The following CEPT1 variants were observed in gnomAD, a reference collection of about 807,000 sequenced individuals.
CEPT1 encodes choline/ethanolaminephosphotransferase 1.
A neutral mutation model predicts 42.6 loss-of-function variants in CEPT1; 7 were observed. The observed-to-expected ratio is 0.16, with a 90% confidence interval of 0.09 to 0.31. The LOEUF (loss-of-function observed/expected upper bound fraction) is 0.31. Among genes scored for constraint, CEPT1 ranks in the 10% least tolerant of loss-of-function variants. CEPT1 has a pLI of 1.00. For synonymous variants in CEPT1, 171 were observed against 171.9 expected, an observed-to-expected ratio of 0.99 and a Z score of 0.04; for missense variants, 306 against 502.1, an observed-to-expected ratio of 0.61 and a Z score of 3.73.
intron 5 of CEPT1, 112 bp from the exon 6 acceptor site, chr1:111,182,075 T>C: frequency 1.4e-6 from 1 of 705,048 alleles, no homozygotes; most frequent in South Asian, 2.4e-5. Flanking sequence ...CTTTACGTAT[T>C]TATGTAATTG....
intron 2 of CEPT1, among the ~76,000 whole-genome samples, chr1:111,149,150 G>A (rs554244783): frequency 2.0e-5 from 3 of 151,928 alleles, no homozygotes; most frequent in Non-Finnish European, 4.4e-5. Context: ...CTTTACCCCA[G>A]AACATGTGAT....
intron 1 of CEPT1, among the ~76,000 whole-genome samples, chr1:111,146,858 A>G (rs1654995652): frequency 6.6e-6 from 1 of 150,822 alleles, no homozygotes; most frequent in Non-Finnish European, 1.5e-5. Flanking sequence ...TACTGTCTTA[A>G]AGTTAATTTT....
chr1:111,164,443 A>G (rs184472357), intron 4 of CEPT1, among the ~76,000 whole-genome samples: 1 of 152,302 alleles, frequency 6.6e-6, no homozygotes, highest in African/African-American at 2.4e-5. Flanking sequence ...CTAGAATTTC[A>G]TGGGAGGATT....
chr1:111,141,337 T>C lies in CEPT1; in HGVS notation c.-74+1030T>C, dbSNP rs1011843807. Reference sequence around the variant, plus strand: ...GTTCTAAAAGCATTTAGTTTCCTCTTCGTTTTATGCTGAGAAAAACTAGTT... The same window carrying C: ...GTTCTAAAAGCATTTAGTTTCCTCTCCGTTTTATGCTGAGAAAAACTAGTT... On this transcript the variant is annotated intron_variant, in intron 1 of 8. Transcript: ENST00000357172. Among the ~76,000 whole-genome samples the C allele has an allele frequency of 2.0e-5, 3 of 152,264 alleles. No individual in the cohort carries two copies. The East Asian group carries it at 5.8e-4, about 29-fold the overall frequency.
intron 1 of CEPT1, among the ~76,000 whole-genome samples, chr1:111,141,071 T>C (rs1163465402): frequency 6.6e-6 from 1 of 152,234 alleles, no homozygotes; most frequent in Admixed American, 6.5e-5. Context: ...TGAAGTCTTT[T>C]AATCAGTAAA....
At chr1:111,167,160 A>T (rs1189567080) in intron 4 of CEPT1, 1 of 985,122 alleles carries the variant, frequency 1.0e-6, no homozygotes, top group Non-Finnish European at 1.2e-6. Context: ...TTCTCACAGG[A>T]ACCCTGGGGC....
intron 1 of CEPT1, among the ~76,000 whole-genome samples, chr1:111,145,606 A>G (rs1654916485): frequency 6.6e-6 from 1 of 152,146 alleles, no homozygotes; most frequent in African/African-American, 2.4e-5. Context: ...CTACTTGTCC[A>G]TGTGGTTACT....
chr1:111,178,172 G>A (rs930712517), intron 5 of CEPT1: 2 of 152,104 alleles, frequency 1.3e-5, no homozygotes, highest in African/African-American at 4.8e-5. Flanking sequence ...TTAGGGTTCA[G>A]GTATGAAATT....
intron 3 of CEPT1, 29 bp from the exon 4 acceptor site, chr1:111,161,126 T>C (rs1455179563): frequency 1.2e-6 from 2 of 1,613,402 alleles, no homozygotes; most frequent in Non-Finnish European, 1.7e-6. Flanking sequence ...TCATATTATT[T>C]GGTTTTCATC....
chr1:111,139,902 GC>G (rs1654208991), upstream of CEPT1: 1 of 152,274 alleles, frequency 6.6e-6, no homozygotes, highest in African/African-American at 2.4e-5. Context: ...AGTCTCGCGC[GC>G]CTGCGACGCG....
At chr1:111,148,736 C>G (rs555517787) in intron 2 of CEPT1, among the ~76,000 whole-genome samples, 1 of 152,322 alleles carries the variant, frequency 6.6e-6, no homozygotes, top group Non-Finnish European at 1.5e-5. Context: ...GAAACCAAAA[C>G]TAGAACTCTT....
intron 2 of CEPT1, among the ~76,000 whole-genome samples, chr1:111,150,502 A>G (rs1655209758): frequency 6.6e-6 from 1 of 152,168 alleles, no homozygotes; most frequent in Non-Finnish European, 1.5e-5. Context: ...GAGTCAGAGA[A>G]TTTCGTAAAT....
chr1:111,159,347 G>A, intron 2 of CEPT1, 33 bp from the exon 3 acceptor site: 1 of 1,592,150 alleles, frequency 6.3e-7, no homozygotes, highest in Non-Finnish European at 8.5e-7. Context: ...CTGTGTGTCT[G>A]AATACTCTTG....
At chr1:111,182,022 T>G (rs1657017871) in intron 5 of CEPT1, 165 bp from the exon 6 acceptor site, 1 of 450,126 alleles carries the variant, frequency 2.2e-6, no homozygotes, top group Admixed American at 4.2e-5. Context: ...TCTTGAGACT[T>G]GCTATATTGC....
chr1:111,154,640 G>A (rs1197398332), intron 2 of CEPT1, among the ~76,000 whole-genome samples: 1 of 152,218 alleles, frequency 6.6e-6, no homozygotes, highest in Non-Finnish European at 1.5e-5. Context: ...TATGGTCCTT[G>A]TTGTGTTGAG....
At chr1:111,147,577 G>A (rs1309169341) in intron 1 of CEPT1, 65 bp from the exon 2 acceptor site, 2 of 554,350 alleles carry the variant, frequency 3.6e-6, no homozygotes, top group Non-Finnish European at 6.0e-6. Flanking sequence ...TGTTAATATT[G>A]GCATAAGATG....
intron 2 of CEPT1, among the ~76,000 whole-genome samples, chr1:111,148,851 C>G (rs550306866): frequency 1.2e-4 from 18 of 152,196 alleles, no homozygotes; most frequent in Admixed American, 5.2e-4. Context: ...AGCATTTGTT[C>G]TGCCTAAATA....
chr1:111,154,910 G>A (rs570575518), intron 2 of CEPT1, among the ~76,000 whole-genome samples: 1 of 152,062 alleles, frequency 6.6e-6, no homozygotes, highest in Non-Finnish European at 1.5e-5. Context: ...GAGGATTTTT[G>A]TATCTGTGTT....
chr1:111,153,831 A>G (rs981326508), intron 2 of CEPT1, among the ~76,000 whole-genome samples: 2 of 152,118 alleles, frequency 1.3e-5, no homozygotes, highest in East Asian at 1.9e-4. Context: ...TTTTATACCA[A>G]TATCATGCTG....
Sources: gnomAD v4.1 joint callset for allele counts (sites outside exome capture counted in the v4.1 genomes callset) on GRCh38, gnomAD v4.1.1 for gene constraint, MANE v1.5 for transcripts, NCBI Gene and HGNC (gene_info 2026-07-23, HGNC 2026-07-21) for gene names.